Variants in UST observed in about 807,000 individuals in gnomAD.
UST encodes uronyl 2-sulfotransferase, also known as chondroitin sulfate 2-O-sulfotransferase.
Under a neutral mutation model 45.6 loss-of-function variants are expected in UST, and 21 were observed. That is an observed-to-expected ratio of 0.46 (90% CI 0.33 to 0.66). The LOEUF (loss-of-function observed/expected upper bound fraction) is 0.66, where lower values mean the gene tolerates loss of function less well. Ranked by LOEUF, UST falls within the 30% of genes least tolerant of loss-of-function variation. UST has a pLI of 0.02. For missense variants in UST, 463 were observed against 512.4 expected (o/e 0.90, Z 0.93); for synonymous variants, 215 against 200.6 (o/e 1.07, Z -0.61).
In UST at chr6:148,747,637, G is replaced by C; in HGVS notation, c.207G>C (p.Gly69=). 1 of 1,599,934 alleles carries C rather than the reference G, an allele frequency of 6.3e-7. No homozygotes were observed. Among genetic ancestry groups the C allele is most frequent in the Non-Finnish European group, 8.5e-7 (1 of 1,174,752 alleles). The change falls in exon 1 of 8, where the codon GGG becomes GGC. Residue 69 remains glycine, a synonymous_variant. Transcript: ENST00000367463. ...GCTCCCTCCTCTATCAGCTCAGCGG[G>C]GGACCCCCTCGCTTCCTGCTCGACC... ...CLGSLLYQLS[G]GPPRFLLDLR...
At chr6:148,826,229 C>T (rs1056284106) in intron 1 of UST, among the ~76,000 whole-genome samples, 7 of 152,244 alleles carry the variant, frequency 4.6e-5, no homozygotes, top group African/African-American at 1.7e-4. Context: ...TCTTCTGCCT[C>T]AGCCTCCCAA....
chr6:148,812,988 C>T (rs574712535), intron 1 of UST, among the ~76,000 whole-genome samples: 8 of 152,216 alleles, frequency 5.3e-5, no homozygotes, highest in South Asian at 2.1e-4. Flanking sequence ...GCAGAATTAT[C>T]GGATCATACA....
At chr6:148,775,350 G>A (rs1254666416) in intron 1 of UST, among the ~76,000 whole-genome samples, 1 of 152,160 alleles carries the variant, frequency 6.6e-6, no homozygotes, top group African/African-American at 2.4e-5. Context: ...TGGAGAAGGG[G>A]AAGTTAGGAT....
At chr6:148,966,230 T>A (rs1046163798) in intron 5 of UST, among the ~76,000 whole-genome samples, 4 of 116,502 alleles carry the variant, frequency 3.4e-5, no homozygotes, top group Non-Finnish European at 5.2e-5. Context: ...TCTCAAAAAA[T>A]AATAATAATA....
In UST at chr6:149,005,150, T is replaced by A. The variant is rs1197917935; in HGVS notation, c.682-13989T>A. Among the ~76,000 whole-genome samples, 3 of 151,982 alleles carry A rather than the reference T, an allele frequency of 2.0e-5. No individual in the cohort carries two copies. In the East Asian group the frequency reaches 5.8e-4, roughly 29 times the overall value. ...AAATGAAGCCTTACAGAGAACCCAATATGTAAACCCAGGCGAAGCAGAGCT... is the reference window on the plus strand; with the variant it reads ...AAATGAAGCCTTACAGAGAACCCAAAATGTAAACCCAGGCGAAGCAGAGCT... On this transcript the variant is annotated intron_variant, in intron 5 of 7. Coordinates refer to ENST00000367463, the MANE Select transcript of UST (RefSeq NM_005715.3).
intron 5 of UST, among the ~76,000 whole-genome samples, chr6:149,006,617 T>C (rs62426145): frequency 0.21 from 31,488 of 152,146 alleles, 3,405 homozygotes; most frequent in Non-Finnish European, 0.24. Flanking sequence ...TACCCAGTAA[T>C]GGGATTGCTG....
intron 2 of UST, among the ~76,000 whole-genome samples, chr6:148,888,022 C>A (rs1206781583): frequency 3.3e-5 from 5 of 152,162 alleles, no homozygotes; most frequent in African/African-American, 1.2e-4. Flanking sequence ...TTAGTCCATT[C>A]CTGCATTGCT....
intron 1 of UST, among the ~76,000 whole-genome samples, chr6:148,867,742 T>C (rs546539898): frequency 1.3e-4 from 20 of 152,324 alleles, no homozygotes; most frequent in East Asian, 1.2e-3. Context: ...ACTGTGAGTC[T>C]ATTAAACCTC....
intron 2 of UST, among the ~76,000 whole-genome samples, chr6:148,899,096 T>G (rs1452252217): frequency 8.7e-6 from 1 of 115,506 alleles, no homozygotes; most frequent in Non-Finnish European, 1.7e-5. Flanking sequence ...CTAATCCTTT[T>G]TTTTTTTTTT....
At chr6:148,758,071 T>G (rs1466417130) in intron 1 of UST, among the ~76,000 whole-genome samples, 1 of 152,222 alleles carries the variant, frequency 6.6e-6, no homozygotes, top group African/African-American at 2.4e-5. Flanking sequence ...TGCTTCCCTT[T>G]AACTCCCTCT....
chr6:148,820,534 G>T (rs1215880246), intron 1 of UST, among the ~76,000 whole-genome samples: 1 of 152,052 alleles, frequency 6.6e-6, no homozygotes, highest in Non-Finnish European at 1.5e-5. Flanking sequence ...ACTATTGAAT[G>T]CATAAACCCC....
intron 1 of UST, among the ~76,000 whole-genome samples, chr6:148,863,705 G>A (rs1437853895): frequency 2.0e-5 from 3 of 152,170 alleles, no homozygotes; most frequent in Non-Finnish European, 4.4e-5. Context: ...CTTTCTGTTT[G>A]TTAGTTTTCC....
At chr6:148,939,141 A>G (rs1780077055) in intron 2 of UST, among the ~76,000 whole-genome samples, 1 of 152,192 alleles carries the variant, frequency 6.6e-6, no homozygotes, top group African/African-American at 2.4e-5. Context: ...TAAATTCAAC[A>G]ACAGCAGTAT....
intron 2 of UST, among the ~76,000 whole-genome samples, chr6:148,887,973 C>A (rs1300381725): frequency 1.3e-5 from 2 of 152,146 alleles, no homozygotes; most frequent in African/African-American, 4.8e-5. Context: ...AGATAATGAA[C>A]CCCCAACCTT....
chr6:148,910,666 A>G (rs1022209285), intron 2 of UST, among the ~76,000 whole-genome samples: 1 of 152,152 alleles, frequency 6.6e-6, no homozygotes, highest in African/African-American at 2.4e-5. Context: ...TACTAAATTT[A>G]TCTATATTTA....
At chr6:148,776,487 C>A (rs1034256955) in intron 1 of UST, among the ~76,000 whole-genome samples, 1 of 152,172 alleles carries the variant, frequency 6.6e-6, no homozygotes, top group Non-Finnish European at 1.5e-5. Context: ...TCATTCTTTT[C>A]TGCACGTGGT....
chr6:148,962,934 C>A (rs550149109), intron 4 of UST, among the ~76,000 whole-genome samples: 13 of 152,194 alleles, frequency 8.5e-5, no homozygotes, highest in Non-Finnish European at 1.5e-4. Context: ...TGGGAAGAAA[C>A]GTTAACAACT....
At chr6:148,999,236 A>G (rs1361862549) in intron 5 of UST, among the ~76,000 whole-genome samples, 2 of 152,220 alleles carry the variant, frequency 1.3e-5, no homozygotes, top group Non-Finnish European at 2.9e-5. Flanking sequence ...ATTGAAAAAC[A>G]GTAGTATCAT....
intron 5 of UST, among the ~76,000 whole-genome samples, chr6:149,000,278 C>T (rs1428047656): frequency 6.6e-6 from 1 of 152,202 alleles, no homozygotes; most frequent in African/African-American, 2.4e-5. Context: ...ACCACAAACT[C>T]ACAAGTAAGA....
Sources: gnomAD v4.1 joint callset for allele counts (sites outside exome capture counted in the v4.1 genomes callset) on GRCh38, gnomAD v4.1.1 for gene constraint, MANE v1.5 for transcripts, NCBI Gene and HGNC (gene_info 2026-07-23, HGNC 2026-07-21) for gene names.